Variants in TMEM163 observed in about 807,000 individuals in gnomAD.
TMEM163 encodes the protein transmembrane protein 163.
TMEM163 carries 17 observed loss-of-function variants against 29.3 expected under a neutral mutation model. The observed-to-expected ratio is 0.58, with a 90% CI of 0.40 to 0.87. The LOEUF (loss-of-function observed/expected upper bound fraction) is 0.87. Among genes scored for constraint, TMEM163 ranks in the 40% least tolerant of loss-of-function variants. The pLI is 0.00. For missense variants in TMEM163, 303 were observed against 381.5 expected (o/e 0.79, Z 1.71); for synonymous variants, 157 against 160.6 (o/e 0.98, Z 0.17).
chr2:134,670,031 C>A (rs892766875), intron 2 of TMEM163, among the ~76,000 whole-genome samples: 1 of 152,142 alleles, frequency 6.6e-6, no homozygotes, highest in African/African-American at 2.4e-5. Flanking sequence ...ACTCCTGCCC[C>A]ACCGAAACCA....
intron 4 of TMEM163, among the ~76,000 whole-genome samples, chr2:134,505,359 G>A (rs1190371776): frequency 1.3e-5 from 2 of 148,810 alleles, no homozygotes; most frequent in Middle Eastern, 3.5e-3. Context: ...GGCAATTCTT[G>A]TGTACACAGG....
At chr2:134,535,906 A>G (rs1406340421) in intron 4 of TMEM163, among the ~76,000 whole-genome samples, 1 of 152,050 alleles carries the variant, frequency 6.6e-6, no homozygotes, top group Non-Finnish European at 1.5e-5. Flanking sequence ...TATTTTTAGT[A>G]GAGACAGGGT....
intron 5 of TMEM163, among the ~76,000 whole-genome samples, chr2:134,486,924 T>G (rs1422977418): frequency 6.6e-6 from 1 of 152,218 alleles, no homozygotes; most frequent in African/African-American, 2.4e-5. Flanking sequence ...TTTGAAATAT[T>G]CACATCTTAA....
chr2:134,597,262 GCT>G (rs1682108565), intron 2 of TMEM163, among the ~76,000 whole-genome samples: 1 of 152,176 alleles, frequency 6.6e-6, no homozygotes, highest in South Asian at 2.1e-4. Flanking sequence ...GTCATAGATA[GCT>G]CTTATTATTT....
chr2:134,613,486 CAG>C lies in TMEM163; in HGVS notation c.323-61397_323-61396del, dbSNP rs200239737. On this transcript the variant is annotated intron_variant, in intron 2 of 7. Transcript: ENST00000281924. ...GAGTCAAAATACTGAAAGCCAAAAA[CAG>C]TGGGAAATTTTGAAAAACAAGAGAA... Among the ~76,000 whole-genome samples, 94 of 152,092 alleles carry C rather than the reference CAG, an allele frequency of 6.2e-4. 2 individuals carry two copies. The East Asian group carries it at 0.013, about 21-fold the overall frequency.
intron 2 of TMEM163, among the ~76,000 whole-genome samples, chr2:134,612,405 G>C (rs1558964471): frequency 6.6e-6 from 1 of 152,148 alleles, no homozygotes. Context: ...CACACGTGCA[G>C]GGCTGTGTGA....
At chr2:134,655,900 C>T (rs1414055433) in intron 2 of TMEM163, among the ~76,000 whole-genome samples, 1 of 141,958 alleles carries the variant, frequency 7.0e-6, no homozygotes, top group Admixed American at 6.9e-5. Flanking sequence ...AGGCAGTCTG[C>T]CCGTTCTCAG....
intron 4 of TMEM163, among the ~76,000 whole-genome samples, chr2:134,542,978 C>T (rs543377286): frequency 2.0e-5 from 3 of 152,300 alleles, no homozygotes; most frequent in Non-Finnish European, 4.4e-5. Flanking sequence ...CTAGTAATAT[C>T]GGATTAGGTC....
chr2:134,552,603 A>G (rs1680955126), intron 2 of TMEM163, among the ~76,000 whole-genome samples: 2 of 151,960 alleles, frequency 1.3e-5, no homozygotes, highest in Non-Finnish European at 2.9e-5. Context: ...GTCTACAAAT[A>G]GAGATGTCTA....
intron 2 of TMEM163, among the ~76,000 whole-genome samples, chr2:134,599,188 T>G (rs1016715929): frequency 6.6e-6 from 1 of 152,142 alleles, no homozygotes; most frequent in African/African-American, 2.4e-5. Context: ...GGCTACACAC[T>G]CTGCATATGG....
chr2:134,604,530 C>T (rs962652978), intron 2 of TMEM163, among the ~76,000 whole-genome samples: 1 of 151,704 alleles, frequency 6.6e-6, no homozygotes, highest in Non-Finnish European at 1.5e-5. Context: ...AAGGTCATTT[C>T]CCAAACTGGT....
At chr2:134,605,202 A>G (rs1340439330) in intron 2 of TMEM163, among the ~76,000 whole-genome samples, 1 of 151,620 alleles carries the variant, frequency 6.6e-6, no homozygotes, top group Non-Finnish European at 1.5e-5. Flanking sequence ...AAAAACCACA[A>G]TCTTCATCCA....
intron 2 of TMEM163, among the ~76,000 whole-genome samples, chr2:134,695,868 T>C (rs1303620223): frequency 2.6e-5 from 4 of 152,110 alleles, no homozygotes; most frequent in South Asian, 4.2e-4. Flanking sequence ...CCGGCCAATA[T>C]GGCGAAACCC....
intron 2 of TMEM163, among the ~76,000 whole-genome samples, chr2:134,673,963 T>C (rs1369378236): frequency 6.6e-6 from 1 of 152,234 alleles, no homozygotes; most frequent in Non-Finnish European, 1.5e-5. Context: ...CAGAATGTTG[T>C]ACATTTTCAT....
Position 134,624,535 on chromosome 2 carries a change from G to C in TMEM163, c.323-72444C>G, listed in dbSNP as rs141978232. Reference sequence around the variant, plus strand: ...TAATACCTGGGTGATGAAATATTCTGTACAACAAACCCCCATGACATAGTT... The same window carrying C: ...TAATACCTGGGTGATGAAATATTCTCTACAACAAACCCCCATGACATAGTT... On this transcript the variant is annotated intron_variant, in intron 2 of 7. Coordinates refer to ENST00000281924, the MANE Select transcript of TMEM163 (RefSeq NM_030923.5). Among the ~76,000 whole-genome samples the C allele has an allele frequency of 5.6e-3, 853 of 152,224 alleles. 6 individuals are homozygous for C. The highest frequency in any genetic ancestry group is 8.5e-3 in the Non-Finnish European group (575 of 68,006).
chr2:134,678,295 TC>T (rs372576661), intron 2 of TMEM163, among the ~76,000 whole-genome samples: 2 of 152,234 alleles, frequency 1.3e-5, no homozygotes, highest in African/African-American at 4.8e-5. Context: ...ACTGTGTAAA[TC>T]CAGGCAGATG....
At chr2:134,619,292 G>A (rs1682676226) in intron 2 of TMEM163, among the ~76,000 whole-genome samples, 1 of 152,174 alleles carries the variant, frequency 6.6e-6, no homozygotes, top group Admixed American at 6.6e-5. Flanking sequence ...ACCAAAGCTA[G>A]ACGGACATCA....
At chr2:134,523,747 T>TG (rs2106496135) in intron 4 of TMEM163, among the ~76,000 whole-genome samples, 1 of 152,242 alleles carries the variant, frequency 6.6e-6, no homozygotes, top group Admixed American at 6.5e-5. Flanking sequence ...AAACGGGAAG[T>TG]GGGGAGGGGT....
intron 2 of TMEM163, among the ~76,000 whole-genome samples, chr2:134,662,182 G>A (rs144872170): frequency 0.1 from 15,578 of 151,950 alleles, 950 homozygotes; most frequent in South Asian, 0.17. Flanking sequence ...TGATCCGCCC[G>A]CCTCAGCCTC....
Sources: allele counts gnomAD v4.1 joint callset (sites outside exome capture counted in the v4.1 genomes callset), GRCh38; gene constraint gnomAD v4.1.1; transcripts MANE v1.5; gene names NCBI Gene and HGNC (gene_info 2026-07-23, HGNC 2026-07-21).